The following LYZL4 variants were observed in gnomAD, a reference collection of about 807,000 sequenced individuals.
LYZL4 encodes lysozyme like 4.
LYZL4 carries 13 observed loss-of-function variants against 17.6 expected under a neutral mutation model. The ratio of observed to expected loss-of-function variants is 0.74; its 90% CI spans 0.48 to 1.18. The LOEUF is 1.18. Among genes scored for constraint, LYZL4 ranks in the 50% most tolerant of loss-of-function variants. The pLI, the probability that LYZL4 is intolerant of heterozygous loss-of-function variation, is 0.00. For missense variants in LYZL4, 174 were observed against 188.2 expected (o/e 0.92, Z 0.44); for synonymous variants, 64 against 67.7 (o/e 0.95, Z 0.27).
the LYZL4 span, among the ~76,000 whole-genome samples, chr3:42,376,818 A>G: frequency 6.6e-6 from 1 of 152,376 alleles, no homozygotes; most frequent in South Asian, 2.1e-4. Context: ...ATGAGGCACC[A>G]GCAAATTTTG....
At chr3:42,404,177 A>C (rs1698708268) in intron 3 of LYZL4, 53 bp from the exon 4 acceptor site, 23 of 1,233,518 alleles carry the variant, frequency 1.9e-5, no homozygotes, top group Middle Eastern at 3.8e-4. Context: ...CAGTTAAGTT[A>C]GAGTGATGTC....
chr3:42,373,007 G>A, the LYZL4 span, among the ~76,000 whole-genome samples: 2 of 152,204 alleles, frequency 1.3e-5, no homozygotes, highest in African/African-American at 4.8e-5. Context: ...AGGAGTTTGA[G>A]ACCAGCCTGG....
chr3:42,393,511 G>A (rs557193557), downstream of LYZL4, among the ~76,000 whole-genome samples: 14 of 152,310 alleles, frequency 9.2e-5, no homozygotes, highest in Admixed American at 2.6e-4. Flanking sequence ...TGTAGCTAGC[G>A]CAGCCAGGGT....
At chr3:42,369,586 C>T in the LYZL4 span, among the ~76,000 whole-genome samples, 1 of 152,178 alleles carries the variant, frequency 6.6e-6, no homozygotes. Context: ...ATGCAGTCGC[C>T]AAGCTGTCCT....
chr3:42,362,528 C>T, the LYZL4 span, among the ~76,000 whole-genome samples: 1 of 152,172 alleles, frequency 6.6e-6, no homozygotes, highest in African/African-American at 2.4e-5. Context: ...GATTTGGGGT[C>T]TCATGACGGC....
chr3:42,403,976 A>T, intron 4 of LYZL4, 70 bp downstream of exon 4: 2 of 1,160,636 alleles, frequency 1.7e-6, no homozygotes, highest in South Asian at 1.4e-5. Context: ...GCCAAGATTT[A>T]GCCAAGATTC....
chr3:42,406,501 G>A (rs1302292144), intron 3 of LYZL4, among the ~76,000 whole-genome samples: 1 of 151,118 alleles, frequency 6.6e-6, no homozygotes, highest in African/African-American at 2.4e-5. Context: ...AAAAGGGAGA[G>A]GTGGCCGAGC....
chr3:42,405,493 G>C (rs1395159645), intron 3 of LYZL4, among the ~76,000 whole-genome samples: 12 of 152,100 alleles, frequency 7.9e-5, no homozygotes, highest in African/African-American at 2.4e-4. Flanking sequence ...GCCAATCATG[G>C]GGCCCAACAC....
chr3:42,390,309 T>C, the LYZL4 span, among the ~76,000 whole-genome samples: 2 of 152,108 alleles, frequency 1.3e-5, no homozygotes, highest in African/African-American at 4.8e-5. Flanking sequence ...AGATGAGCTA[T>C]AGATGTCAGC....
At chr3:42,397,078 C>A, downstream of LYZL4, 1 of 508,928 alleles carries the variant, frequency 2.0e-6, no homozygotes, top group Non-Finnish European at 3.6e-6. Flanking sequence ...GACCTTTGGC[C>A]CAAGTTGAGT....
the LYZL4 span, among the ~76,000 whole-genome samples, chr3:42,378,557 C>T: frequency 6.6e-6 from 1 of 152,094 alleles, no homozygotes; most frequent in African/African-American, 2.4e-5. Context: ...TTCTGGGAGA[C>T]AATAAAAGGT....
chr3:42,385,012 C>G, the LYZL4 span, among the ~76,000 whole-genome samples: 1 of 151,978 alleles, frequency 6.6e-6, no homozygotes. Context: ...ATCTTCACGA[C>G]AAAATCTATT....
intron 4 of LYZL4, among the ~76,000 whole-genome samples, chr3:42,401,178 A>G (rs1445927041): frequency 6.6e-6 from 1 of 152,144 alleles, no homozygotes; most frequent in Admixed American, 6.5e-5. Context: ...GAAATATCAC[A>G]AAAAGAAAAG....
intron 3 of LYZL4, among the ~76,000 whole-genome samples, chr3:42,405,822 C>G (rs1223016292): frequency 1.3e-5 from 2 of 152,146 alleles, no homozygotes; most frequent in African/African-American, 4.8e-5. Flanking sequence ...CTCTCTGGGC[C>G]TCAGTTTCCC....
At chr3:42,373,907 T>G in the LYZL4 span, among the ~76,000 whole-genome samples, 1 of 152,138 alleles carries the variant, frequency 6.6e-6, no homozygotes, top group African/African-American at 2.4e-5. Flanking sequence ...TTTGCTAATA[T>G]GTATATATAT....
the LYZL4 span, among the ~76,000 whole-genome samples, chr3:42,392,013 G>A: frequency 6.6e-6 from 1 of 152,010 alleles, no homozygotes; most frequent in South Asian, 2.1e-4. Context: ...GGACTACAGT[G>A]CACACCACCA....
chr3:42,389,209 A>G, the LYZL4 span, among the ~76,000 whole-genome samples: 1 of 152,182 alleles, frequency 6.6e-6, no homozygotes, highest in African/African-American at 2.4e-5. Context: ...ATGGAGATCT[A>G]GAAGGCAGAA....
downstream of LYZL4, among the ~76,000 whole-genome samples, chr3:42,394,320 T>G (rs532847429): frequency 4.9e-4 from 75 of 152,148 alleles, 1 homozygote; most frequent in Non-Finnish European, 5.7e-4. Flanking sequence ...GAGTAGAAAA[T>G]TAATACCAAT....
chr3:42,401,854 C>T (rs1698659501), intron 4 of LYZL4, among the ~76,000 whole-genome samples: 1 of 152,004 alleles, frequency 6.6e-6, no homozygotes, highest in Non-Finnish European at 1.5e-5. Context: ...ACTTCTTTAC[C>T]TATGAGACTA....
Sources: allele counts gnomAD v4.1 joint callset (sites outside exome capture counted in the v4.1 genomes callset), GRCh38; gene constraint gnomAD v4.1.1; transcripts MANE v1.5; gene names NCBI Gene and HGNC (gene_info 2026-07-23, HGNC 2026-07-21).